The following CRLF3 variants were observed in gnomAD, a reference collection of about 807,000 sequenced individuals.
CRLF3 encodes the protein cytokine receptor like factor 3, also known as cytokine receptor-like factor 3.
CRLF3 carries 33 observed loss-of-function variants against 55.0 expected under a neutral mutation model. The observed-to-expected ratio is 0.60, with a 90% confidence interval of 0.46 to 0.80. CRLF3 has a LOEUF of 0.80. Ranked by LOEUF, CRLF3 falls within the 30% of genes least tolerant of loss-of-function variation. CRLF3 has a pLI of 0.00. For missense variants in CRLF3, 494 were observed against 538.4 expected (o/e 0.92, Z 0.82); for synonymous variants, 238 against 196.8 (o/e 1.21, Z -1.75).
chr17:30,814,913 A>C (rs1904738011), intron 1 of CRLF3, among the ~76,000 whole-genome samples: 1 of 151,284 alleles, frequency 6.6e-6, no homozygotes, highest in Non-Finnish European at 1.5e-5. Context: ...AAGGAGGAGA[A>C]TCACTTGAAC....
intron 4 of CRLF3, 47 bp downstream of exon 4, chr17:30,796,113 G>C (rs189380998): frequency 7.3e-7 from 1 of 1,373,594 alleles, no homozygotes; most frequent in East Asian, 2.5e-5. Flanking sequence ...CCTCCAAATC[G>C]CAAACCCATA....
intron 1 of CRLF3, among the ~76,000 whole-genome samples, chr17:30,822,553 C>T (rs1005178532): frequency 6.6e-6 from 1 of 152,050 alleles, no homozygotes; most frequent in African/African-American, 2.4e-5. Flanking sequence ...GACAATGGGC[C>T]TCAAAAACAA....
Position 30,788,599 on chromosome 17 carries a change from CTTTTTTTTTT to C in CRLF3, c.960-2578_960-2569del, listed in dbSNP as rs1159336036. On this transcript the variant is annotated intron_variant, in intron 6 of 7. Transcript: ENST00000324238. ...GGGATAAATAACAAAGTAGTGCCTT[CTTTTTTTTTT>C]TTTTTTTTTTTTTTTTGAGACAGCA... Among the ~76,000 whole-genome samples, 58 of 80,038 alleles carry C rather than the reference CTTTTTTTTTT, an allele frequency of 7.2e-4. 1 individual carries two copies. The highest frequency in any genetic ancestry group is 2.4e-3 in the African/African-American group (42 of 17,232). 52.5% of individuals were successfully genotyped at this position (80,038 alleles called of 152,430 possible).
At chr17:30,796,747 A>G (rs1478869040) in intron 3 of CRLF3, among the ~76,000 whole-genome samples, 1 of 148,558 alleles carries the variant, frequency 6.7e-6, no homozygotes, top group East Asian at 2.0e-4. Flanking sequence ...TTTTTCAGAC[A>G]GAGTCTCACT....
In CRLF3 at chr17:30,804,099, T is replaced by C; in HGVS notation, c.139A>G (p.Ser47Gly). 6.2e-7 allele frequency: 1 copy of C among 1,609,880 alleles called. No homozygotes were observed. Among genetic ancestry groups the C allele is most frequent in the Non-Finnish European group, 8.5e-7 (1 of 1,177,218 alleles). ...LREARRQIKESASQTRDVLKQ... is the reference protein window; with the variant it reads ...LREARRQIKEGASQTRDVLKQ... ...AGAACATCCCTTGTCTGTGATGCACTTTCTTTGATCTAAAAAGAAATAACA... is the reference window on the plus strand; with the variant it reads ...AGAACATCCCTTGTCTGTGATGCACCTTCTTTGATCTAAAAAGAAATAACA... The change falls in exon 2 of 8, where the codon AGT (serine) becomes GGT (glycine). Residue 47 changes from serine (S) to glycine (G), a missense_variant. Transcript: ENST00000324238.
chr17:30,792,329 G>T, intron 6 of CRLF3, 111 bp downstream of exon 6: 1 of 991,160 alleles, frequency 1.0e-6, no homozygotes, highest in Non-Finnish European at 1.5e-6. Context: ...CAGTAACACT[G>T]CCTATAAATG....
intron 1 of CRLF3, among the ~76,000 whole-genome samples, chr17:30,821,518 G>A (rs1904997821): frequency 1.3e-5 from 2 of 152,274 alleles, no homozygotes; most frequent in South Asian, 4.1e-4. Context: ...ATAGTCAAAA[G>A]TGGAAATAAT....
chr17:30,793,172 A>T (rs1249674501), intron 5 of CRLF3, among the ~76,000 whole-genome samples: 1 of 151,968 alleles, frequency 6.6e-6, no homozygotes, highest in Non-Finnish European at 1.5e-5. Flanking sequence ...AATATAAAAA[A>T]AAGAATAAAA....
At chr17:30,815,158 TC>T (rs1464333832) in intron 1 of CRLF3, among the ~76,000 whole-genome samples, 1 of 149,268 alleles carries the variant, frequency 6.7e-6, no homozygotes, top group Admixed American at 6.8e-5. Context: ...CAATCTTGGC[TC>T]TGTGCAACCT....
intron 2 of CRLF3, among the ~76,000 whole-genome samples, chr17:30,797,775 GTTTTT>G (rs747340532): frequency 2.3e-5 from 3 of 128,138 alleles, no homozygotes; most frequent in African/African-American, 5.8e-5. Flanking sequence ...GGGATAGGGT[GTTTTT>G]TTTTTTTTTT....
chr17:30,785,179 G>C (rs569245843), intron 7 of CRLF3: 1 of 145,706 alleles, frequency 6.9e-6, no homozygotes, highest in Non-Finnish European at 1.5e-5. Context: ...GGGTTCAAGC[G>C]ATTTTCCTAC....
In CRLF3 at chr17:30,784,402, G is replaced by A; in HGVS notation, c.1114C>T (p.Pro372Ser). 1 of 1,613,678 alleles carries A rather than the reference G, an allele frequency of 6.2e-7. No individual in the cohort carries two copies. The highest frequency in any genetic ancestry group is 1.1e-5 in the South Asian group (1 of 91,080). ...VNGKEMTNQL[P>S]AVTSGSTVTF... ...ACAGTGGACCCAGAAGTAACTGCGG[G>A]TAACTGATTTGTCATTTCTTTTCCA... The change falls in exon 8 of 8, where the codon CCC (proline) becomes TCC (serine). Residue 372 changes from proline to serine, a missense_variant. Transcript: ENST00000324238.
At chr17:30,821,714 T>C (rs1905002466) in intron 1 of CRLF3, among the ~76,000 whole-genome samples, 2 of 152,124 alleles carry the variant, frequency 1.3e-5, no homozygotes, top group African/African-American at 2.4e-5. Context: ...TTATATGAAA[T>C]GACCAGAATA....
At chr17:30,795,013 T>C (rs958730936) in intron 4 of CRLF3, among the ~76,000 whole-genome samples, 3 of 152,104 alleles carry the variant, frequency 2.0e-5, no homozygotes, top group Admixed American at 6.6e-5. Flanking sequence ...TAGGTAAATA[T>C]TAATATTTTA....
intron 6 of CRLF3, among the ~76,000 whole-genome samples, chr17:30,791,453 C>T (rs925523303): frequency 1.4e-4 from 22 of 151,734 alleles, no homozygotes; most frequent in African/African-American, 4.1e-4. Context: ...GTGATCCAAC[C>T]GCCTCGGCCT....
chr17:30,809,128 C>T (rs1221519294), intron 1 of CRLF3, among the ~76,000 whole-genome samples: 1 of 152,154 alleles, frequency 6.6e-6, no homozygotes, highest in African/African-American at 2.4e-5. Flanking sequence ...TCAAAAGCTC[C>T]TTCAGCTGTT....
chr17:30,794,579 C>CTTGAGCCCAGGAAT (rs1347852819), intron 4 of CRLF3, among the ~76,000 whole-genome samples: 1 of 152,132 alleles, frequency 6.6e-6, no homozygotes, highest in Non-Finnish European at 1.5e-5. Context: ...GGGTGGAGCA[C>CTTGAGCCCAGGAAT]TTGAGCCCAG....
intron 1 of CRLF3, among the ~76,000 whole-genome samples, chr17:30,811,110 A>G (rs1448812301): frequency 6.6e-6 from 1 of 151,978 alleles, no homozygotes; most frequent in Non-Finnish European, 1.5e-5. Flanking sequence ...AACAAACAAA[A>G]AAGAAAACCA....
At chr17:30,805,165 G>C (rs914803774) in intron 1 of CRLF3, among the ~76,000 whole-genome samples, 1 of 152,078 alleles carries the variant, frequency 6.6e-6, no homozygotes, top group Non-Finnish European at 1.5e-5. Context: ...CTGGGCAACA[G>C]AGTGAGACGC....
Sources: allele counts gnomAD v4.1 joint callset (sites outside exome capture counted in the v4.1 genomes callset), GRCh38; gene constraint gnomAD v4.1.1; transcripts MANE v1.5; gene names NCBI Gene and HGNC (gene_info 2026-07-23, HGNC 2026-07-21).